Variants in ARHGEF28 observed in about 807,000 individuals in gnomAD.
ARHGEF28 encodes Rho guanine nucleotide exchange factor 28.
ARHGEF28 carries 152 observed loss-of-function variants against 206.6 expected under a neutral mutation model. The observed-to-expected ratio is 0.74, with a 90% CI of 0.64 to 0.84. The LOEUF is 0.84. ARHGEF28 is among the 40% of genes least tolerant of loss of function. The pLI is 0.00. For missense variants in ARHGEF28, 2,028 were observed against 2,073.2 expected, an observed-to-expected ratio of 0.98 and a Z score of 0.42; for synonymous variants, 763 against 776.4, an observed-to-expected ratio of 0.98 and a Z score of 0.29.
chr5:73,931,953 G>C (rs1245575290), intron 35 of ARHGEF28, among the ~76,000 whole-genome samples: 4 of 152,128 alleles, frequency 2.6e-5, no homozygotes, highest in African/African-American at 9.7e-5. Flanking sequence ...TAATTTTAAA[G>C]GTTTTCCACA....
intron 13 of ARHGEF28, among the ~76,000 whole-genome samples, chr5:73,850,390 G>A (rs1407665099): frequency 6.6e-6 from 1 of 151,954 alleles, no homozygotes; most frequent in Non-Finnish European, 1.5e-5. Context: ...TGAGAGGGCA[G>A]GATAAATAAG....
intron 35 of ARHGEF28, among the ~76,000 whole-genome samples, chr5:73,925,679 G>A (rs998459913): frequency 1.3e-5 from 2 of 152,106 alleles, no homozygotes; most frequent in African/African-American, 2.4e-5. Flanking sequence ...GGTGAATTTC[G>A]CTGATTCTAG....
intron 29 of ARHGEF28, among the ~76,000 whole-genome samples, chr5:73,897,676 T>C (rs551368246): frequency 1.3e-5 from 2 of 152,346 alleles, no homozygotes; most frequent in African/African-American, 4.8e-5. Context: ...ATGCTAAAAG[T>C]ATTGGTCTAG....
chr5:73,696,424 C>G (rs1748219336), intron 2 of ARHGEF28, among the ~76,000 whole-genome samples: 1 of 152,164 alleles, frequency 6.6e-6, no homozygotes, highest in Non-Finnish European at 1.5e-5. Flanking sequence ...CTTCCTTCCC[C>G]TTTGTATAAT....
chr5:73,733,326 T>C (rs1750720957), intron 2 of ARHGEF28, among the ~76,000 whole-genome samples: 2 of 152,224 alleles, frequency 1.3e-5, no homozygotes, highest in Admixed American at 1.3e-4. Flanking sequence ...CACTAAAATC[T>C]AAAGGACTAT....
At chr5:73,869,762 G>T (rs1460138858) in intron 20 of ARHGEF28, among the ~76,000 whole-genome samples, 2 of 152,096 alleles carry the variant, frequency 1.3e-5, no homozygotes, top group South Asian at 2.1e-4. Context: ...TAAAAACTAA[G>T]CTAGGTGTGG....
At chr5:73,760,581 A>T (rs1282290201) in intron 4 of ARHGEF28, among the ~76,000 whole-genome samples, 1 of 152,186 alleles carries the variant, frequency 6.6e-6, no homozygotes, top group African/African-American at 2.4e-5. Flanking sequence ...ATCCTATGGC[A>T]CTTGTTATGA....
chr5:73,840,233 G>T (rs1174116958), intron 10 of ARHGEF28, among the ~76,000 whole-genome samples: 1 of 152,020 alleles, frequency 6.6e-6, no homozygotes, highest in Non-Finnish European at 1.5e-5. Flanking sequence ...TCCTGCTTCA[G>T]TCTCTGAGTA....
chr5:73,857,281 T>C (rs1759106050), intron 14 of ARHGEF28, among the ~76,000 whole-genome samples: 1 of 152,208 alleles, frequency 6.6e-6, no homozygotes, highest in South Asian at 2.1e-4. Context: ...CTTACTAGCA[T>C]AGTAAACAGG....
At chr5:73,788,517 A>G (rs1269816431) in intron 7 of ARHGEF28, among the ~76,000 whole-genome samples, 1 of 152,200 alleles carries the variant, frequency 6.6e-6, no homozygotes. Flanking sequence ...CATGTATTAT[A>G]TACTATATTC....
intron 2 of ARHGEF28, among the ~76,000 whole-genome samples, chr5:73,726,564 G>A (rs1460472299): frequency 2.6e-5 from 4 of 152,192 alleles, no homozygotes; most frequent in Non-Finnish European, 4.4e-5. Context: ...GTGCAAAAGT[G>A]TATCAATACA....
chr5:73,686,812 G>A (rs12653611), intron 2 of ARHGEF28, among the ~76,000 whole-genome samples: 61,150 of 151,838 alleles, frequency 0.4, 13,575 homozygotes, highest in East Asian at 0.68. Context: ...GTGAGCCACC[G>A]TGCCCAGCCA....
intron 9 of ARHGEF28, among the ~76,000 whole-genome samples, chr5:73,804,446 G>C (rs568068273): frequency 1.3e-5 from 2 of 152,272 alleles, no homozygotes; most frequent in South Asian, 4.1e-4. Context: ...TGTGAATGTG[G>C]ATGCAAACAT....
intron 4 of ARHGEF28, among the ~76,000 whole-genome samples, chr5:73,759,717 G>A (rs1752500385): frequency 6.6e-6 from 1 of 152,140 alleles, no homozygotes; most frequent in Non-Finnish European, 1.5e-5. Context: ...TTAAAAAGCA[G>A]TTTTAATATT....
intron 4 of ARHGEF28, among the ~76,000 whole-genome samples, chr5:73,757,805 A>C (rs566506013): frequency 6.6e-6 from 1 of 152,352 alleles, no homozygotes; most frequent in South Asian, 2.1e-4. Flanking sequence ...GGGTCTCAGA[A>C]GCCCAAATTT....
At chr5:73,854,865 AAC>A in intron 14 of ARHGEF28, among the ~76,000 whole-genome samples, 1 of 151,878 alleles carries the variant, frequency 6.6e-6, no homozygotes, top group African/African-American at 2.4e-5. Flanking sequence ...CAACAACAAC[AAC>A]AAAAAAACAC....
chr5:73,850,779 A>G (rs1463612137), intron 13 of ARHGEF28, among the ~76,000 whole-genome samples: 3 of 152,204 alleles, frequency 2.0e-5, no homozygotes, highest in Non-Finnish European at 4.4e-5. Context: ...AAACCTTTGC[A>G]TATGAGTTAG....
At chr5:73,687,393 C>CTCTT (rs10626327) in intron 2 of ARHGEF28, among the ~76,000 whole-genome samples, 111,709 of 151,078 alleles carry the variant, frequency 0.74, 41,392 homozygotes, top group East Asian at 0.82. Context: ...ACATAACTGA[C>CTCTT]ACTACATATG....
chr5:73,745,234 G>A (rs1350638904), intron 2 of ARHGEF28, among the ~76,000 whole-genome samples: 5 of 151,858 alleles, frequency 3.3e-5, no homozygotes, highest in Non-Finnish European at 7.4e-5. Flanking sequence ...AAGGGAGGAA[G>A]GGAGAGAAAA....
Sources: gnomAD v4.1 joint callset for allele counts (sites outside exome capture counted in the v4.1 genomes callset) on GRCh38, gnomAD v4.1.1 for gene constraint, MANE v1.5 for transcripts, NCBI Gene and HGNC (gene_info 2026-07-23, HGNC 2026-07-21) for gene names.